CCNY: variants seen among roughly 807,000 people sequenced by gnomAD.
CCNY encodes the protein cyclin-Y.
A neutral mutation model predicts 42.8 loss-of-function variants in CCNY; 19 were observed. That is an observed-to-expected ratio of 0.44 (90% CI 0.31 to 0.65). The LOEUF (loss-of-function observed/expected upper bound fraction) is 0.65. Among genes scored for constraint, CCNY ranks in the 30% least tolerant of loss-of-function variants. CCNY has a pLI of 0.07. For missense variants in CCNY, 370 were observed against 437.3 expected, an observed-to-expected ratio of 0.85 and a Z score of 1.37; for synonymous variants, 165 against 162.7, an observed-to-expected ratio of 1.01 and a Z score of -0.11.
At chr10:35,533,602 A>G (rs1410262055) in intron 7 of CCNY, among the ~76,000 whole-genome samples, 1 of 152,122 alleles carries the variant, frequency 6.6e-6, no homozygotes, top group Non-Finnish European at 1.5e-5. Context: ...ATCTTTGCTC[A>G]AAGGGCACAT....
At chr10:35,473,939 G>A (rs1839444485) in intron 1 of CCNY, among the ~76,000 whole-genome samples, 1 of 152,168 alleles carries the variant, frequency 6.6e-6, no homozygotes, top group Non-Finnish European at 1.5e-5. Flanking sequence ...GTGGGTGCGC[G>A]CACCATGCGC....
intron 4 of CCNY, among the ~76,000 whole-genome samples, chr10:35,523,790 A>G (rs1429135687): frequency 2.0e-5 from 3 of 152,132 alleles, no homozygotes; most frequent in Non-Finnish European, 4.4e-5. Flanking sequence ...CAACTCCATG[A>G]TGTGGGTTGT....
chr10:35,547,118 G>A (rs1311465659), intron 7 of CCNY, among the ~76,000 whole-genome samples: 3 of 152,116 alleles, frequency 2.0e-5, no homozygotes, highest in Non-Finnish European at 2.9e-5. Flanking sequence ...TGTAAAATAC[G>A]CAGCCTGGGG....
At chr10:35,485,812 A>G (rs977396192) in intron 2 of CCNY, among the ~76,000 whole-genome samples, 112 of 152,000 alleles carry the variant, frequency 7.4e-4, no homozygotes, top group African/African-American at 2.6e-3. Flanking sequence ...AGAATTGGCT[A>G]CTTGGTGAAT....
chr10:35,423,151 CT>C, intron 1 of CCNY, among the ~76,000 whole-genome samples: 1 of 151,936 alleles, frequency 6.6e-6, no homozygotes, highest in African/African-American at 2.4e-5. Flanking sequence ...TTCATTTCCA[CT>C]TTTTTTTATA....
In CCNY at chr10:35,569,396, C is replaced by T. The variant is rs904028284; in HGVS notation, c.*226C>T. ...CCACTGTCAGCAACAGCACTTCCTT[C>T]GTGGAGGAAGTGGACTCGAATCCTG... On this transcript the variant is annotated 3_prime_UTR_variant, in exon 10 of 10. Coordinates refer to ENST00000374704, the MANE Select transcript of CCNY (RefSeq NM_145012.6). 12 of 544,552 alleles carry T rather than the reference C, an allele frequency of 2.2e-5. No homozygotes were observed. The highest frequency in any genetic ancestry group is 9.3e-5 in the Admixed American group (3 of 32,410). 33.7% of individuals were successfully genotyped at this position (544,552 alleles called of 1,614,324 possible).
chr10:35,326,521 G>A (rs185298682), intron 3 of CCNY, among the ~76,000 whole-genome samples: 71 of 152,344 alleles, frequency 4.7e-4, no homozygotes, highest in African/African-American at 1.6e-3. Flanking sequence ...GCAAGAAATT[G>A]TACCAGTTGA....
At chr10:35,321,329 A>G (rs1385034974) in intron 3 of CCNY, among the ~76,000 whole-genome samples, 1 of 152,098 alleles carries the variant, frequency 6.6e-6, no homozygotes, top group Non-Finnish European at 1.5e-5. Context: ...AAATATGATG[A>G]TGACCATTTT....
chr10:35,550,854 C>G (rs1021425357), intron 7 of CCNY, among the ~76,000 whole-genome samples: 132 of 152,256 alleles, frequency 8.7e-4, no homozygotes, highest in Middle Eastern at 3.4e-3. Context: ...ACCAGCCCCT[C>G]CTTTTCTTAG....
chr10:35,537,329 G>A (rs773883061), intron 7 of CCNY, among the ~76,000 whole-genome samples: 12 of 152,236 alleles, frequency 7.9e-5, no homozygotes, highest in Non-Finnish European at 1.6e-4. Context: ...GGACTGTGTG[G>A]AAGGGAAATG....
At chr10:35,422,073 A>G (rs977741799) in intron 1 of CCNY, among the ~76,000 whole-genome samples, 2 of 152,102 alleles carry the variant, frequency 1.3e-5, no homozygotes, top group African/African-American at 2.4e-5. Flanking sequence ...ATGCTATTCT[A>G]TATTCTTTTT....
At chr10:35,331,191 T>C (rs1164384300) in intron 3 of CCNY, among the ~76,000 whole-genome samples, 2 of 152,236 alleles carry the variant, frequency 1.3e-5, no homozygotes, top group Non-Finnish European at 2.9e-5. Flanking sequence ...CTTGAAACTA[T>C]GGGAGATGGG....
intron 1 of CCNY, among the ~76,000 whole-genome samples, chr10:35,449,178 T>C (rs1192513108): frequency 1.3e-5 from 2 of 151,258 alleles, no homozygotes; most frequent in African/African-American, 2.4e-5. Context: ...ACTGAGGGTA[T>C]TCATTACAGT....
chr10:35,344,860 A>G (rs1180927039), intron 1 of CCNY, among the ~76,000 whole-genome samples: 1 of 152,148 alleles, frequency 6.6e-6, no homozygotes, highest in African/African-American at 2.4e-5. Flanking sequence ...TTTGCTGAGA[A>G]TGATGGTTTC....
At chr10:35,266,249 CTT>C (rs773886027) in intron 3 of CCNY, among the ~76,000 whole-genome samples, 26 of 110,124 alleles carry the variant, frequency 2.4e-4, no homozygotes, top group African/African-American at 7.5e-4. Context: ...GGCTAATTTC[CTT>C]TTTTTTTTTT....
chr10:35,530,728 A>G lies in CCNY; in HGVS notation c.579+485A>G, dbSNP rs1048083922. Among the ~76,000 whole-genome samples, 2 of 152,214 alleles carry G rather than the reference A, an allele frequency of 1.3e-5. No individual in the cohort carries two copies. The highest frequency in any genetic ancestry group is 1.3e-4 in the Admixed American group (2 of 15,280). ...GAGTAAATGTGTCTGCAGGATATTCAGAGACAGTATGGAGGTAACGTATAT... is the reference window on the plus strand; with the variant it reads ...GAGTAAATGTGTCTGCAGGATATTCGGAGACAGTATGGAGGTAACGTATAT... On this transcript the variant is annotated intron_variant, in intron 7 of 9. Coordinates refer to ENST00000374704, the MANE Select transcript of CCNY (RefSeq NM_145012.6). This position sits in a 1 kb window ranked among gnomAD's most constrained non-coding sequence, Gnocchi z 4.3.
At chr10:35,307,155 C>T (rs146591528) in intron 3 of CCNY, among the ~76,000 whole-genome samples, 6 of 152,242 alleles carry the variant, frequency 3.9e-5, no homozygotes, top group East Asian at 1.9e-4. Context: ...TCAGGGATGA[C>T]GACAGCAAGC....
chr10:35,325,968 G>A (rs1391703159), intron 3 of CCNY, among the ~76,000 whole-genome samples: 2 of 152,078 alleles, frequency 1.3e-5, no homozygotes, highest in African/African-American at 2.4e-5. Flanking sequence ...AAATACTTGG[G>A]AGGAGGCTGA....
At chr10:35,430,684 T>C (rs17593159) in intron 1 of CCNY, among the ~76,000 whole-genome samples, 10,762 of 152,296 alleles carry the variant, frequency 0.071, 534 homozygotes, top group Middle Eastern at 0.14. Flanking sequence ...ATAATGGTTA[T>C]TTGAAATTTA....
Sources: allele counts gnomAD v4.1 joint callset (sites outside exome capture counted in the v4.1 genomes callset), GRCh38; gene constraint gnomAD v4.1.1; non-coding constraint Gnocchi (gnomAD v3.1); transcripts MANE v1.5; gene names NCBI Gene and HGNC (gene_info 2026-07-23, HGNC 2026-07-21).